Variants in MUSK observed in about 807,000 individuals in gnomAD.
MUSK encodes muscle associated receptor tyrosine kinase.
A neutral mutation model predicts 88.7 loss-of-function variants in MUSK; 55 were observed. The ratio of observed to expected loss-of-function variants is 0.62; its 90% CI spans 0.50 to 0.78. MUSK has a LOEUF of 0.78. MUSK is among the 30% of genes least tolerant of loss of function. The pLI is 0.00. For synonymous variants in MUSK, 387 were observed against 391.9 expected (o/e 0.99, Z 0.15); for missense variants, 1,015 against 1,074.3 (o/e 0.94, Z 0.77).
intron 8 of MUSK, among the ~76,000 whole-genome samples, chr9:110,766,935 T>C (rs1333884792): frequency 1.3e-5 from 2 of 152,228 alleles, no homozygotes; most frequent in Non-Finnish European, 2.9e-5. Flanking sequence ...CCCAGCATTA[T>C]ATTAAGGGAA....
At chr9:110,689,806 A>ATATTTAAATATATAAATATG (rs1564218328) in intron 3 of MUSK, among the ~76,000 whole-genome samples, 5 of 83,082 alleles carry the variant, frequency 6.0e-5, no homozygotes, top group Non-Finnish European at 1.1e-4. Flanking sequence ...TATATAATAT[A>ATATTTAAATATATAAATATG]TAACTATATA....
intron 14 of MUSK, among the ~76,000 whole-genome samples, chr9:110,789,213 A>AT (rs1381282890): frequency 6.6e-6 from 1 of 152,260 alleles, no homozygotes; most frequent in Non-Finnish European, 1.5e-5. Context: ...GTAAACAGGT[A>AT]TTGCAATGAT....
chr9:110,737,298 T>C (rs890351031), intron 6 of MUSK, among the ~76,000 whole-genome samples: 3 of 151,570 alleles, frequency 2.0e-5, no homozygotes, highest in Non-Finnish European at 2.9e-5. Context: ...GTTAAGAAAA[T>C]GTATTTTTAT....
At chr9:110,744,630 A>G (rs1246018254) in intron 6 of MUSK, among the ~76,000 whole-genome samples, 1 of 152,236 alleles carries the variant, frequency 6.6e-6, no homozygotes, top group African/African-American at 2.4e-5. Flanking sequence ...GGTACAAAAC[A>G]TGATGTTTAG....
chr9:110,723,234 T>TACACACACACACACACACAC (rs143582345), intron 5 of MUSK, among the ~76,000 whole-genome samples: 158 of 146,660 alleles, frequency 1.1e-3, no homozygotes, highest in Admixed American at 3.1e-3. Context: ...TACATATACA[T>TACACACACACACACACACAC]ACACACACAC....
At chr9:110,713,011 T>C (rs981905234) in intron 5 of MUSK, among the ~76,000 whole-genome samples, 4 of 152,046 alleles carry the variant, frequency 2.6e-5, no homozygotes, top group Non-Finnish European at 4.4e-5. Context: ...AGGGCTTTGA[T>C]TGATGAAGAG....
chr9:110,755,411 G>A (rs1017124237), intron 7 of MUSK, among the ~76,000 whole-genome samples: 4 of 152,200 alleles, frequency 2.6e-5, no homozygotes, highest in Non-Finnish European at 4.4e-5. Context: ...GAGGCTATAT[G>A]TGTAACCAGT....
intron 5 of MUSK, among the ~76,000 whole-genome samples, chr9:110,731,090 G>T (rs138153400): frequency 6.6e-6 from 1 of 152,030 alleles, no homozygotes; most frequent in East Asian, 1.9e-4. Flanking sequence ...CATCATGTTC[G>T]TTCATTTATT....
At chr9:110,755,939 T>TATATATATACAC (rs1564268573) in intron 7 of MUSK, among the ~76,000 whole-genome samples, 1 of 71,198 alleles carries the variant, frequency 1.4e-5, no homozygotes, top group African/African-American at 5.8e-5. Context: ...TATACATATA[T>TATATATATACAC]ATATATATAT....
intron 14 of MUSK, among the ~76,000 whole-genome samples, chr9:110,799,131 T>C (rs2078055068): frequency 6.6e-6 from 1 of 152,164 alleles, no homozygotes; most frequent in Non-Finnish European, 1.5e-5. Flanking sequence ...TCCCTTTAGT[T>C]TACAGAAATG....
At chr9:110,734,051 C>T (rs948260301) in intron 5 of MUSK, among the ~76,000 whole-genome samples, 200 bp from the exon 6 acceptor site, 7 of 151,982 alleles carry the variant, frequency 4.6e-5, no homozygotes, top group African/African-American at 1.7e-4. Context: ...CTCAGTGTGT[C>T]CTTGAGTGGT....
intron 2 of MUSK, among the ~76,000 whole-genome samples, chr9:110,684,881 G>C (rs2076176136): frequency 6.6e-6 from 1 of 152,020 alleles, no homozygotes; most frequent in South Asian, 2.1e-4. Context: ...GAGTATTTAA[G>C]TTTTTCCAAA....
intron 8 of MUSK, among the ~76,000 whole-genome samples, chr9:110,767,203 G>A (rs1318465983): frequency 1.3e-5 from 2 of 152,178 alleles, no homozygotes; most frequent in African/African-American, 4.8e-5. Flanking sequence ...AAACAGCAAA[G>A]CTGAAGGTGC....
chr9:110,781,831 C>T (rs1226421209), intron 11 of MUSK, among the ~76,000 whole-genome samples: 1 of 152,176 alleles, frequency 6.6e-6, no homozygotes, highest in Non-Finnish European at 1.5e-5. Context: ...TATCAGGACT[C>T]TACCCTTATT....
intron 8 of MUSK, among the ~76,000 whole-genome samples, chr9:110,765,696 C>T (rs1221273704): frequency 1.3e-5 from 2 of 152,042 alleles, no homozygotes; most frequent in Non-Finnish European, 2.9e-5. Context: ...GCCTCAGCCC[C>T]TCGAGTAGCT....
At chr9:110,770,324 A>T (rs1487530531) in intron 9 of MUSK, among the ~76,000 whole-genome samples, 1 of 145,398 alleles carries the variant, frequency 6.9e-6, no homozygotes, top group East Asian at 2.0e-4. Context: ...ATAATTATCA[A>T]TAATAATTAA....
At chr9:110,747,231 T>TA (rs1360037349) in intron 6 of MUSK, among the ~76,000 whole-genome samples, 1 of 152,238 alleles carries the variant, frequency 6.6e-6, no homozygotes, top group Non-Finnish European at 1.5e-5. Flanking sequence ...GCCTTATGCG[T>TA]ACCTTGGATG....
rs1232782836 is a variant in MUSK at position 110,802,446 on chromosome 9, T to C, written c.*1458T>C. 1.3e-5 allele frequency among the ~76,000 whole-genome samples: 2 copies of C among 152,210 alleles called. No individual in the cohort carries two copies. The highest frequency in any genetic ancestry group is 4.8e-5 in the African/African-American group (2 of 41,462). On this transcript the variant is annotated 3_prime_UTR_variant, in exon 15 of 15. Transcript: ENST00000374448. The stretch of plus-strand genomic sequence containing the variant: ...TCAGACTAATTGGTAGTTAGGGCAT[T>C]GGAGGAATGGTGTGAATTCTTGAAA...
At chr9:110,672,774 C>T (rs936646211) in intron 1 of MUSK, among the ~76,000 whole-genome samples, 6 of 151,978 alleles carry the variant, frequency 3.9e-5, no homozygotes, top group African/African-American at 1.5e-4. Flanking sequence ...TTTATGTACC[C>T]AATCATTGGG....
Sources: gnomAD v4.1 joint callset for allele counts (sites outside exome capture counted in the v4.1 genomes callset) on GRCh38, gnomAD v4.1.1 for gene constraint, MANE v1.5 for transcripts, NCBI Gene and HGNC (gene_info 2026-07-23, HGNC 2026-07-21) for gene names.